Variants in EEF2K observed in about 807,000 individuals in gnomAD.
EEF2K encodes the protein eukaryotic elongation factor 2 kinase, also known as alternative protein EEF2K.
A neutral mutation model predicts 93.8 loss-of-function variants in EEF2K; 70 were observed. That is an observed-to-expected ratio of 0.75 (90% CI 0.62 to 0.91). EEF2K has a LOEUF of 0.91. Ranked by LOEUF, EEF2K falls within the 40% of genes least tolerant of loss-of-function variation. The pLI is 0.00. For missense variants in EEF2K, 935 were observed against 972.9 expected (o/e 0.96, Z 0.52); for synonymous variants, 376 against 380.8 (o/e 0.99, Z 0.15).
chr16:22,252,787 A>G (rs1209274222), intron 6 of EEF2K, among the ~76,000 whole-genome samples: 1 of 152,222 alleles, frequency 6.6e-6, no homozygotes, highest in Non-Finnish European at 1.5e-5. Context: ...CAATCATGGC[A>G]GAAGGCAAAA....
chr16:22,241,340 C>A (rs1276076501), intron 2 of EEF2K, among the ~76,000 whole-genome samples: 2 of 151,850 alleles, frequency 1.3e-5, no homozygotes, highest in Non-Finnish European at 1.5e-5. Context: ...GGTATGATAC[C>A]AATCTTATTA....
chr16:22,235,566 C>G (rs1598174957), intron 2 of EEF2K, among the ~76,000 whole-genome samples: 1 of 148,892 alleles, frequency 6.7e-6, no homozygotes, highest in South Asian at 2.2e-4. Context: ...GGCACGATCT[C>G]AGCTCACTGG....
intron 3 of EEF2K, among the ~76,000 whole-genome samples, chr16:22,247,541 C>T (rs1163428888): frequency 2.0e-5 from 3 of 151,968 alleles, no homozygotes; most frequent in Non-Finnish European, 4.4e-5. Context: ...CCAAAGGGGT[C>T]CTACTCCATA....
intron 1 of EEF2K, among the ~76,000 whole-genome samples, chr16:22,219,909 T>C (rs1486668622): frequency 6.6e-6 from 1 of 152,160 alleles, no homozygotes; most frequent in African/African-American, 2.4e-5. Flanking sequence ...GGCAATCACA[T>C]GTGCATTTCA....
chr16:22,254,802 C>T (rs1287320114), intron 6 of EEF2K, among the ~76,000 whole-genome samples: 1 of 152,102 alleles, frequency 6.6e-6, no homozygotes, highest in Non-Finnish European at 1.5e-5. Flanking sequence ...CACAGTGGCT[C>T]ATGCTTGTAA....
chr16:22,280,339 A>G lies in EEF2K; in HGVS notation c.2031A>G (p.Thr677=). 1 of 1,600,242 alleles carries G rather than the reference A, an allele frequency of 6.2e-7. No individual in the cohort carries two copies. ...CCAGGGAGGCCGAGATGCTGTTCAC[A>G]GGAGGCTACGGGCTGGAGAAGGACC... The part of the protein sequence containing the change: ...MLAREAEMLF[T]GGYGLEKDPQ... Residue 677 remains threonine (T), a synonymous_variant, in exon 17 of 18, where the codon ACA becomes ACG. Coordinates refer to ENST00000263026, the MANE Select transcript of EEF2K (RefSeq NM_013302.5).
chr16:22,236,371 T>C (rs2047167931), intron 2 of EEF2K, among the ~76,000 whole-genome samples: 1 of 149,968 alleles, frequency 6.7e-6, no homozygotes, highest in African/African-American at 2.5e-5. Flanking sequence ...ACTTCCCAGG[T>C]TCAGGTGATC....
chr16:22,213,440 C>T (rs910142955), intron 1 of EEF2K, among the ~76,000 whole-genome samples: 1 of 152,172 alleles, frequency 6.6e-6, no homozygotes, highest in Non-Finnish European at 1.5e-5. Context: ...ATGCTAGTTG[C>T]ACCCCTAGAG....
chr16:22,234,357 G>GACC (rs2047145219), intron 2 of EEF2K, among the ~76,000 whole-genome samples: 1 of 152,108 alleles, frequency 6.6e-6, no homozygotes, highest in African/African-American at 2.4e-5. Flanking sequence ...AGGAGTTGGA[G>GACC]ACCAGCCTGA....
At chr16:22,249,213 C>T (rs1347172329) in intron 4 of EEF2K, among the ~76,000 whole-genome samples, 2 of 150,900 alleles carry the variant, frequency 1.3e-5, no homozygotes, top group Admixed American at 6.6e-5. Flanking sequence ...TCAAATGATC[C>T]TCCTGCCTTG....
chr16:22,213,980 G>A (rs1598159501), intron 1 of EEF2K, among the ~76,000 whole-genome samples: 1 of 152,220 alleles, frequency 6.6e-6, no homozygotes, highest in East Asian at 1.9e-4. Flanking sequence ...CCAGGGATTA[G>A]GATGTAGCCA....
intron 2 of EEF2K, among the ~76,000 whole-genome samples, chr16:22,235,433 C>T (rs1241429109): frequency 6.6e-6 from 1 of 152,096 alleles, no homozygotes; most frequent in Non-Finnish European, 1.5e-5. Context: ...GCTCTGTCAG[C>T]CCATTGTATG....
At chr16:22,231,213 C>G (rs1247556020) in intron 2 of EEF2K, among the ~76,000 whole-genome samples, 1 of 150,176 alleles carries the variant, frequency 6.7e-6, no homozygotes, top group African/African-American at 2.5e-5. Context: ...CTCAGCCTTC[C>G]GAATAGCTGG....
chr16:22,212,438 C>T (rs2046923686), intron 1 of EEF2K, among the ~76,000 whole-genome samples: 1 of 152,004 alleles, frequency 6.6e-6, no homozygotes, highest in Admixed American at 6.6e-5. Context: ...ATTCTTCTGC[C>T]TTGGCCTCCT....
intron 3 of EEF2K, 66 bp from the exon 4 acceptor site, chr16:22,248,689 C>T (rs2047318669): frequency 6.3e-7 from 1 of 1,597,312 alleles, no homozygotes; most frequent in South Asian, 1.1e-5. Flanking sequence ...GGTCTTTGAC[C>T]TTTAGCCAGT....
chr16:22,243,247 A>ATTTTT (rs568043657), intron 2 of EEF2K, among the ~76,000 whole-genome samples: 2 of 118,502 alleles, frequency 1.7e-5, no homozygotes. Context: ...GATGCAGCCT[A>ATTTTT]TTTTTTTTTT....
chr16:22,266,368 C>G, intron 13 of EEF2K, 22 bp from the exon 14 acceptor site: 3 of 1,606,676 alleles, frequency 1.9e-6, no homozygotes, highest in Non-Finnish European at 2.6e-6. Flanking sequence ...CCTCGCTTCC[C>G]TGGCCGGTTC....
At chr16:22,211,151 CCT>C (rs2142098035) in intron 1 of EEF2K, among the ~76,000 whole-genome samples, 1 of 152,284 alleles carries the variant, frequency 6.6e-6, no homozygotes, top group African/African-American at 2.4e-5. Flanking sequence ...TTTCAGGCCC[CCT>C]CTCTCACTTC....
intron 2 of EEF2K, among the ~76,000 whole-genome samples, chr16:22,238,853 T>G (rs2047194490): frequency 6.6e-6 from 1 of 151,964 alleles, no homozygotes; most frequent in Non-Finnish European, 1.5e-5. Flanking sequence ...TACTGGTGAT[T>G]TGTAGCTCCA....
Sources: allele counts gnomAD v4.1 joint callset (sites outside exome capture counted in the v4.1 genomes callset), GRCh38; gene constraint gnomAD v4.1.1; transcripts MANE v1.5; gene names NCBI Gene and HGNC (gene_info 2026-07-23, HGNC 2026-07-21).